Variants in IARS2 observed in about 807,000 individuals in gnomAD.
IARS2 encodes the protein isoleucine--tRNA ligase, mitochondrial.
IARS2 carries 56 observed loss-of-function variants against 126.3 expected under a neutral mutation model. The observed-to-expected ratio is 0.44, with a 90% CI of 0.36 to 0.55. IARS2 has a LOEUF of 0.55. Ranked by LOEUF, IARS2 falls within the 20% of genes least tolerant of loss-of-function variation. IARS2 has a pLI of 0.00. For synonymous variants in IARS2, 407 were observed against 441.1 expected (o/e 0.92, Z 0.97); for missense variants, 1,127 against 1,245.9 (o/e 0.90, Z 1.44).
chr1:220,114,728 A>T (rs1335739875), intron 12 of IARS2, among the ~76,000 whole-genome samples: 1 of 151,996 alleles, frequency 6.6e-6, no homozygotes, highest in Non-Finnish European at 1.5e-5. Context: ...ATTGGGCTGT[A>T]TTAAGGTATC....
intron 1 of IARS2, among the ~76,000 whole-genome samples, chr1:220,095,091 T>A (rs767156541): frequency 1.3e-5 from 2 of 152,106 alleles, no homozygotes; most frequent in Non-Finnish European, 2.9e-5. Context: ...CAGGCTGGAG[T>A]GCAATGGCGC....
At chr1:220,094,634 A>C (rs1196101531) in intron 1 of IARS2, 151 bp downstream of exon 1, 1 of 651,916 alleles carries the variant, frequency 1.5e-6, no homozygotes, top group Non-Finnish European at 2.5e-6. Flanking sequence ...CTTCGCACAG[A>C]TTTTGTGGGC....
intron 12 of IARS2, chr1:220,118,199 T>G (rs1238348718): frequency 3.9e-6 from 2 of 506,762 alleles, no homozygotes; most frequent in Middle Eastern, 7.6e-4. Flanking sequence ...TGGAAATTGG[T>G]ACACAGTCCA....
At chr1:220,128,697 G>A (rs1320028527) in intron 14 of IARS2, among the ~76,000 whole-genome samples, 1 of 152,180 alleles carries the variant, frequency 6.6e-6, no homozygotes, top group Non-Finnish European at 1.5e-5. Context: ...GTGAAACAGT[G>A]AGGTATAGTG....
intron 22 of IARS2, 131 bp from the exon 23 acceptor site, chr1:220,147,362 T>C (rs1558134066): frequency 2.6e-6 from 2 of 779,698 alleles, no homozygotes; most frequent in Non-Finnish European, 4.2e-6. Flanking sequence ...ATGGGACAAA[T>C]GGGGAAGTGT....
chr1:220,103,220 G>T (rs1442747035), intron 7 of IARS2, among the ~76,000 whole-genome samples: 1 of 151,970 alleles, frequency 6.6e-6, no homozygotes, highest in East Asian at 1.9e-4. Flanking sequence ...GGCTAATTTT[G>T]TATTTTTAGT....
At chr1:220,139,161 T>C (rs1270158396) in intron 18 of IARS2, 22 bp downstream of exon 18, 1 of 1,591,318 alleles carries the variant, frequency 6.3e-7, no homozygotes, top group African/African-American at 1.4e-5. Context: ...TTAATAAACT[T>C]TTGGAAACTA....
chr1:220,147,422 C>G, intron 22 of IARS2, 71 bp from the exon 23 acceptor site: 1 of 1,497,838 alleles, frequency 6.7e-7, no homozygotes, highest in South Asian at 1.2e-5. Context: ...GAAGCCTCTG[C>G]TAAACCAATT....
chr1:220,111,835 A>G (rs904708697), intron 11 of IARS2, among the ~76,000 whole-genome samples: 11 of 152,054 alleles, frequency 7.2e-5, no homozygotes, highest in African/African-American at 2.7e-4. Flanking sequence ...GACAACTATA[A>G]TATATAGTGC....
rs376619361 is a variant in IARS2, at chr1:220,134,523, G to A, written c.1946+13G>A. ...GAGCACCTTATAAGTAAGTATTTAT[G>A]CCTGAACCAACCTGCTGAGTACCTG... On this transcript the variant is annotated intron_variant, in intron 15 of 22. Coordinates refer to ENST00000366922, the MANE Select transcript of IARS2 (RefSeq NM_018060.4). The A allele has an allele frequency of 2.6e-6, 4 of 1,560,962 alleles. No individual in the cohort carries two copies. In the African/African-American group the frequency reaches 5.4e-5, roughly 21 times the overall value.
At chr1:220,123,904 C>CAT (rs1177415667) in intron 12 of IARS2, among the ~76,000 whole-genome samples, 1 of 152,226 alleles carries the variant, frequency 6.6e-6, no homozygotes, top group Non-Finnish European at 1.5e-5. Context: ...ATAATGCTTA[C>CAT]ATAGTATTTA....
At position 220,100,595 on chromosome 1, in the gene IARS2, T is replaced by C. The variant is rs1656551011; in HGVS notation, c.496T>C (p.Ser166Pro). ...HGLPIEIKVL[S>P]ELGREAQNLS... ...GTTGCCCATTGAAATAAAAGTATTATCAGAACTTGGTAGAGAAGCTCAGAA... is the reference window on the plus strand; with the variant it reads ...GTTGCCCATTGAAATAAAAGTATTACCAGAACTTGGTAGAGAAGCTCAGAA... Residue 166 changes from serine to proline, a missense_variant, in exon 3 of 23, where the codon TCA (serine) becomes CCA (proline). Physicochemically the swap from Ser to Pro is moderately conservative, Grantham distance 74. Transcript: ENST00000366922. 7 of 1,612,978 alleles carry C rather than the reference T, an allele frequency of 4.3e-6. No homozygotes were observed. The highest frequency in any genetic ancestry group is 1.7e-4 in the Middle Eastern group (1 of 6,058).
intron 21 of IARS2, chr1:220,143,860 T>G: frequency 1.6e-6 from 1 of 624,534 alleles, no homozygotes; most frequent in South Asian, 2.0e-5. Context: ...CATAATGATG[T>G]GATTTTTCTC....
At chr1:220,147,458 C>T (rs1387653824) in intron 22 of IARS2, 35 bp from the exon 23 acceptor site, 1 of 1,605,280 alleles carries the variant, frequency 6.2e-7, no homozygotes, top group South Asian at 1.1e-5. Context: ...AAGTTGAATG[C>T]CTATCAGAAA....
At chr1:220,099,721 G>A (rs1487160428) in intron 2 of IARS2, among the ~76,000 whole-genome samples, 1 of 152,044 alleles carries the variant, frequency 6.6e-6, no homozygotes, top group Non-Finnish European at 1.5e-5. Flanking sequence ...GTAGAAAGGA[G>A]GTTATTTATA....
chr1:220,147,875 A>ATATC lies in IARS2; in HGVS notation c.*242_*245dup, dbSNP rs1298073367. The ATATC allele has an allele frequency of 4.9e-5, 24 of 491,536 alleles. No homozygotes were observed. The highest frequency in any genetic ancestry group is 7.9e-5 in the Non-Finnish European group (22 of 278,136). 30.4% of individuals were successfully genotyped at this position (491,536 alleles called of 1,614,324 possible). ...TGTGTATCTGTGGATGGATATATGT[A>ATATC]TATCTCTTCCTATATATATCCATAG... is the stretch of plus-strand genomic sequence containing the variant. On this transcript the variant is annotated 3_prime_UTR_variant, in exon 23 of 23. Transcript: ENST00000366922.
chr1:220,128,644 A>G (rs751791066), intron 14 of IARS2, among the ~76,000 whole-genome samples: 7 of 152,192 alleles, frequency 4.6e-5, no homozygotes, highest in Non-Finnish European at 7.3e-5. Context: ...CTGCTGGCAC[A>G]TTTTGGGCAG....
At chr1:220,128,918 T>C (rs942209782) in intron 14 of IARS2, among the ~76,000 whole-genome samples, 4 of 152,046 alleles carry the variant, frequency 2.6e-5, no homozygotes, top group South Asian at 4.2e-4. Context: ...TTTTTTTTTT[T>C]CGAGACAGTG....
Position 220,094,262 on chromosome 1 carries a change from G to C in IARS2, c.46G>C (p.Ala16Pro), listed in dbSNP as rs1393868220. 6.2e-7 allele frequency: 1 copy of C among 1,607,160 alleles called. No individual in the cohort carries two copies. The highest frequency in any genetic ancestry group is 2.2e-5 in the East Asian group (1 of 44,686). ...TCGCGGGCCGGGCGCGGCCGCCCTG[G>C]CCACTGCCCGAAGTTTGTGGGGGAC... ...RPRGPGAAAL[A>P]TARSLWGTPR... The change falls in exon 1 of 23, where the codon GCC becomes CCC. Residue 16 changes from alanine (A) to proline (P), a missense_variant. Coordinates refer to ENST00000366922, the MANE Select transcript of IARS2 (RefSeq NM_018060.4).
Sources: gnomAD v4.1 joint callset for allele counts (sites outside exome capture counted in the v4.1 genomes callset) on GRCh38, gnomAD v4.1.1 for gene constraint, MANE v1.5 for transcripts, NCBI Gene and HGNC (gene_info 2026-07-23, HGNC 2026-07-21) for gene names.